Variants in ERCC5 observed in about 807,000 individuals in gnomAD.
The protein encoded by ERCC5 is DNA excision repair protein ERCC-5.
Under a neutral mutation model 105.6 loss-of-function variants are expected in ERCC5, and 68 were observed. The observed-to-expected ratio is 0.64, with a 90% confidence interval of 0.53 to 0.79. ERCC5 has a LOEUF of 0.79. ERCC5 is among the 30% of genes least tolerant of loss of function. ERCC5 has a pLI of 0.00. For synonymous variants in ERCC5, 546 were observed against 526.2 expected (o/e 1.04, Z -0.51); for missense variants, 1,373 against 1,426.7 (o/e 0.96, Z 0.61).
chr13:102,847,350 A>T (rs11619749), intron 1 of ERCC5, among the ~76,000 whole-genome samples: 1 of 144,998 alleles, frequency 6.9e-6, no homozygotes, highest in Non-Finnish European at 1.5e-5. Flanking sequence ...GTGATACCTT[A>T]CACCAATTTC....
rs761395651 is a variant in ERCC5 at position 102,861,580 on chromosome 13, A to C, written c.746A>C (p.His249Pro). The change falls in exon 7 of 15, where the codon CAT becomes CCT. Residue 249 changes from histidine to proline, a missense_variant. By Grantham distance (77) the His-to-Pro change is moderately conservative. Coordinates refer to ENST00000652225, the MANE Select transcript of ERCC5 (RefSeq NM_000123.4). ...AACTATCTGAACCAGCATATAGAAC[A>C]TGTCCAAAAGGAAATGAATCAGCAA... ...KKNYLNQHIE[H>P]VQKEMNQQHS... 6.2e-7 allele frequency: 1 copy of C among 1,614,186 alleles called. No individual in the cohort carries two copies. Among genetic ancestry groups the C allele is most frequent in the South Asian group, 1.1e-5 (1 of 91,086 alleles).
At chr13:102,850,717 T>G (rs2140515899) in intron 1 of ERCC5, among the ~76,000 whole-genome samples, 1 of 152,182 alleles carries the variant, frequency 6.6e-6, no homozygotes, top group African/African-American at 2.4e-5. Context: ...GTTTTGATCA[T>G]GTTAAGTTTG....
chr13:102,862,674 A>G lies in ERCC5; in HGVS notation c.1525A>G (p.Arg509Gly). 1.2e-6 allele frequency: 2 copies of G among 1,614,210 alleles called. No homozygotes were observed. The highest frequency in any genetic ancestry group is 1.7e-6 in the Non-Finnish European group (2 of 1,180,050). The change falls in exon 8 of 15, where the codon AGA becomes GGA. Residue 509 changes from arginine (R) to glycine (G), a missense_variant. Around this residue, in one of 3 missense-constraint regions of ERCC5, gnomAD observed 1,004 missense variants for 1,059.7 expected, o/e 0.95. Transcript: ENST00000652225. ...DRLPLESAVV[R>G]HSDAPGLPNG... is the part of the protein sequence containing the mutation. ...GCTGCCTCTGGAGAGTGCAGTGGTT[A>G]GACATAGTGACGCACCTGGGCTCCC...
At chr13:102,870,284 A>G (rs1882989359) in intron 12 of ERCC5, among the ~76,000 whole-genome samples, 1 of 152,224 alleles carries the variant, frequency 6.6e-6, no homozygotes, top group South Asian at 2.1e-4. Context: ...ACACAAAATT[A>G]TGGATTCTGT....
rs771452139 is a variant in ERCC5 at position 102,866,649 on chromosome 13, C to T, written c.2337C>T (p.Phe779=). The T allele has an allele frequency of 3.1e-6, 5 of 1,613,586 alleles. No homozygotes were observed. Among genetic ancestry groups the T allele is most frequent in the East Asian group, 2.2e-5 (1 of 44,886 alleles). The part of the protein sequence containing the change: ...FLESQELLRL[F]GIPYIQAPME... ...CTCTGCAGGAACTCCTGCGCCTGTT[C>T]GGCATTCCCTACATCCAGGCTCCCA... The change falls in exon 11 of 15, where the codon TTC becomes TTT. Residue 779 remains phenylalanine, a synonymous_variant. Transcript: ENST00000652225.
At chr13:102,853,657 G>A in intron 2 of ERCC5, 100 bp from the exon 3 acceptor site, 1 of 1,231,046 alleles carries the variant, frequency 8.1e-7, no homozygotes, top group Non-Finnish European at 1.2e-6. Context: ...GCCATAGTCT[G>A]AAAACTCAGA....
Position 102,865,545 on chromosome 13 carries a change from T to C in ERCC5, c.1955-122T>C. 1.5e-6 allele frequency: 2 copies of C among 1,324,878 alleles called. No homozygotes were observed. Among genetic ancestry groups the C allele is most frequent in the Non-Finnish European group, 1.1e-6 (1 of 952,334 alleles). 82.1% of individuals were successfully genotyped at this position (1,324,878 alleles called of 1,614,324 possible). Reference sequence around the variant, plus strand: ...CGCTACTATTACATGTATTCTGTTATAGTCATATCTTTCCTTTTTAGGATG... The same window carrying C: ...CGCTACTATTACATGTATTCTGTTACAGTCATATCTTTCCTTTTTAGGATG... On this transcript the variant is annotated intron_variant, in intron 8 of 14. Transcript: ENST00000652225. This position sits in a 1 kb window ranked among gnomAD's most constrained non-coding sequence, Gnocchi z 4.0.
At position 102,875,403 on chromosome 13, in the gene ERCC5, T is replaced by C. The variant is rs1388861077; in HGVS notation, c.3061T>C (p.Cys1021Arg). Residue 1021 changes from cysteine to arginine, a missense_variant, in exon 15 of 15, where the codon TGT (cysteine) becomes CGT (arginine). Coordinates refer to ENST00000652225, the MANE Select transcript of ERCC5 (RefSeq NM_000123.4). The part of the protein sequence containing the change: ...KSQRLNRAVT[C>R]MLRKEKEAAA... ...CCAGAGACTAAACAGAGCTGTGACA[T>C]GTATGCTAAGGAAAGAGAAAGAAGC... 1.2e-6 allele frequency: 2 copies of C among 1,614,080 alleles called. No individual in the cohort carries two copies. The highest frequency in any genetic ancestry group is 1.7e-6 in the Non-Finnish European group (2 of 1,180,024).
intron 8 of ERCC5, among the ~76,000 whole-genome samples, chr13:102,863,334 T>A (rs1357397699): frequency 1.3e-5 from 2 of 152,212 alleles, no homozygotes; most frequent in Non-Finnish European, 2.9e-5. Context: ...AGTGCCCTAT[T>A]TGGGGAAGGT....
In ERCC5 at chr13:102,865,568, A is replaced by T; in HGVS notation, c.1955-99A>T. On this transcript the variant is annotated intron_variant, in intron 8 of 14. Transcript: ENST00000652225. The surrounding 1 kb of genome is among the most constrained non-coding windows in gnomAD (Gnocchi z 4.0). ...TATAGTCATATCTTTCCTTTTTAGG[A>T]TGTAGCATTTTTCAGGTTCCTCCAG... The T allele has an allele frequency of 6.7e-7, 1 of 1,498,542 alleles. No individual in the cohort carries two copies. 92.8% of individuals were successfully genotyped at this position (1,498,542 alleles called of 1,614,324 possible). A position where few individuals can be genotyped will look rare whatever the true frequency, so the allele number is the denominator to read the frequency against.
intron 8 of ERCC5, among the ~76,000 whole-genome samples, chr13:102,864,034 A>C (rs1193442853): frequency 1.3e-5 from 2 of 151,974 alleles, no homozygotes; most frequent in African/African-American, 4.8e-5. Flanking sequence ...GTATATGCAC[A>C]TAGATATGTT....
Position 102,846,075 on chromosome 13 carries a change from A to T in ERCC5, c.-192A>T, listed in dbSNP as rs916384868. The T allele has an allele frequency of 3.2e-5, 19 of 592,656 alleles. No homozygotes were observed. Among genetic ancestry groups the T allele is most frequent in the Non-Finnish European group, 4.8e-5 (16 of 332,040 alleles). The allele number at this position is 592,656 out of a possible 1,614,324, so 36.7% of individuals were successfully genotyped here. On this transcript the variant is annotated 5_prime_UTR_variant, in exon 1 of 15. Coordinates refer to ENST00000652225, the MANE Select transcript of ERCC5 (RefSeq NM_000123.4). ...AGCTGCTGAGACGTGTTGCAGCCAGAGTCTCTCCGCTTTAATGCGCTCCCA... is the reference window on the plus strand; with the variant it reads ...AGCTGCTGAGACGTGTTGCAGCCAGTGTCTCTCCGCTTTAATGCGCTCCCA...
rs1402508985 is a variant in ERCC5 at position 102,865,180 on chromosome 13, C to A, written c.1955-487C>A. On this transcript the variant is annotated intron_variant, in intron 8 of 14. Transcript: ENST00000652225. This position sits in a 1 kb window ranked among gnomAD's most constrained non-coding sequence, Gnocchi z 4.0. ...CTCCACCTACAGGGAAGGAAGGCAA[C>A]CATTAAATATATTTTAAGGAGAAGG... 1 of 192,642 alleles carries A rather than the reference C, an allele frequency of 5.2e-6. No homozygotes were observed. The highest frequency in any genetic ancestry group is 1.1e-5 in the Non-Finnish European group (1 of 92,926). The allele number at this position is 192,642 out of a possible 1,614,324, so 11.9% of individuals were successfully genotyped here. A position where few individuals can be genotyped will look rare whatever the true frequency, so the allele number is the denominator to read the frequency against.
chr13:102,873,325 G>T lies in ERCC5; in HGVS notation c.2946G>T (p.Lys982Asn). Residue 982 changes from lysine to asparagine, a missense_variant, in exon 14 of 15, where the codon AAG becomes AAT. Around this residue, in one of 3 missense-constraint regions of ERCC5, gnomAD observed 367 missense variants for 350.2 expected, o/e 1.05. Coordinates refer to ENST00000652225, the MANE Select transcript of ERCC5 (RefSeq NM_000123.4). ...ATGAATCTCTGTTTCCTGTATTAAA[G>T]CAACTCGATGCCCAGCAGGTAATCA... ...KTDESLFPVL[K>N]QLDAQQTQLR... 6.2e-7 allele frequency: 1 copy of T among 1,614,128 alleles called. No individual in the cohort carries two copies. The highest frequency in any genetic ancestry group is 8.5e-7 in the Non-Finnish European group (1 of 1,179,996).
In ERCC5 at chr13:102,853,747, C is replaced by T. The variant is rs969279305; in HGVS notation, c.265-10C>T. 4 of 1,611,922 alleles carry T rather than the reference C, an allele frequency of 2.5e-6. No individual in the cohort carries two copies. The highest frequency in any genetic ancestry group is 3.4e-6 in the Non-Finnish European group (4 of 1,178,202). On this transcript the variant is annotated splice_polypyrimidine_tract_variant and intron_variant, in intron 2 of 14. Transcript: ENST00000652225. Reference sequence around the variant, plus strand: ...CCTGAAGTGAGATCTTACATCCTTTCTTCTCATAGGTGAAGAGAAGGCAGA... The same window carrying T: ...CCTGAAGTGAGATCTTACATCCTTTTTTCTCATAGGTGAAGAGAAGGCAGA...
rs1166001307 is a variant in ERCC5, at chr13:102,868,397, G to A, written c.2678+140G>A. The A allele has an allele frequency of 3.2e-6, 4 of 1,241,260 alleles. No homozygotes were observed. In the East Asian group the frequency reaches 7.6e-5, roughly 24 times the overall value. The allele number at this position is 1,241,260 out of a possible 1,614,324, so 76.9% of individuals were successfully genotyped here. A position where few individuals can be genotyped will look rare whatever the true frequency, so the allele number is the denominator to read the frequency against. On this transcript the variant is annotated intron_variant, in intron 12 of 14. Transcript: ENST00000652225. ...GAGAAAGCAGCAGAAAGTATTGGTT[G>A]TTTTCCATTTTCTAGAGATGATGAA... is the stretch of plus-strand genomic sequence containing the variant.
rs776774370 is a variant in ERCC5, at chr13:102,862,163, C to T, written c.1014C>T (p.Thr338=). The T allele has an allele frequency of 7.4e-6, 12 of 1,614,122 alleles. No individual in the cohort carries two copies. The East Asian group carries it at 1.3e-4, about 18-fold the overall frequency. Residue 338 remains threonine, a synonymous_variant, in exon 8 of 15, where the codon ACC becomes ACT. Coordinates refer to ENST00000652225, the MANE Select transcript of ERCC5 (RefSeq NM_000123.4). Reference sequence around the variant, plus strand: ...AGACAGAGAAAGAGCCTGATGCTACCCCTCCTTCTCCAAGAACTTTACTAG... The same window carrying T: ...AGACAGAGAAAGAGCCTGATGCTACTCCTCCTTCTCCAAGAACTTTACTAG... The part of the protein sequence containing the change: ...KLKTEKEPDA[T]PPSPRTLLAM...
intron 14 of ERCC5, among the ~76,000 whole-genome samples, chr13:102,873,707 A>C (rs956207499): frequency 6.6e-6 from 1 of 152,186 alleles, no homozygotes; most frequent in African/African-American, 2.4e-5. Flanking sequence ...AAGTTTTTAT[A>C]AGTACTAATA....
rs1882800662 is a variant in ERCC5 at position 102,865,551 on chromosome 13, T to C, written c.1955-116T>C. On this transcript the variant is annotated intron_variant, in intron 8 of 14. Coordinates refer to ENST00000652225, the MANE Select transcript of ERCC5 (RefSeq NM_000123.4). This position sits in a 1 kb window ranked among gnomAD's most constrained non-coding sequence, Gnocchi z 4.0. ...TATTACATGTATTCTGTTATAGTCA[T>C]ATCTTTCCTTTTTAGGATGTAGCAT... is the stretch of plus-strand genomic sequence containing the variant. 2 of 1,391,246 alleles carry C rather than the reference T, an allele frequency of 1.4e-6. No individual in the cohort carries two copies. The highest frequency in any genetic ancestry group is 1.4e-5 in the African/African-American group (1 of 69,802). The allele number at this position is 1,391,246 out of a possible 1,614,324, so 86.2% of individuals were successfully genotyped here.
Sources: allele counts gnomAD v4.1 joint callset (sites outside exome capture counted in the v4.1 genomes callset), GRCh38; gene constraint gnomAD v4.1.1; regional missense constraint gnomAD v4.1.1; non-coding constraint Gnocchi (gnomAD v3.1); transcripts MANE v1.5; gene names NCBI Gene and HGNC (gene_info 2026-07-23, HGNC 2026-07-21).